The following PITPNC1 variants were observed in gnomAD, a reference collection of about 807,000 sequenced individuals.
The protein encoded by PITPNC1 is phosphatidylinositol transfer protein cytoplasmic 1.
A neutral mutation model predicts 44.7 loss-of-function variants in PITPNC1; 18 were observed. That is an observed-to-expected ratio of 0.40 (90% CI 0.28 to 0.60). PITPNC1 has a LOEUF of 0.60. Among genes scored for constraint, PITPNC1 ranks in the 20% least tolerant of loss-of-function variants. The probability of loss-of-function intolerance (pLI) is 0.39; values close to 1 mark genes in which losing one functional copy is unlikely to be tolerated. For synonymous variants in PITPNC1, 141 were observed against 149.6 expected, an observed-to-expected ratio of 0.94 and a Z score of 0.42; for missense variants, 290 against 418.4, an observed-to-expected ratio of 0.69 and a Z score of 2.68.
intron 1 of PITPNC1, among the ~76,000 whole-genome samples, chr17:67,528,013 A>T (rs1003574941): frequency 1.6e-4 from 25 of 152,166 alleles, no homozygotes; most frequent in African/African-American, 2.6e-4. Context: ...TTAATTTTTT[A>T]AATTATTTAT....
intron 5 of PITPNC1, among the ~76,000 whole-genome samples, chr17:67,586,425 C>CAA (rs33998127): frequency 0.19 from 20,867 of 110,326 alleles, 2,483 homozygotes; most frequent in African/African-American, 0.36. Flanking sequence ...GTTTCTACTT[C>CAA]AAAAAAAAAA....
intron 1 of PITPNC1, among the ~76,000 whole-genome samples, chr17:67,517,267 T>A (rs1427362372): frequency 6.6e-6 from 1 of 152,230 alleles, no homozygotes; most frequent in Non-Finnish European, 1.5e-5. Flanking sequence ...GGCTTTCTTG[T>A]TGCTTTCTTA....
At chr17:67,388,316 TC>T (rs1225628354) in intron 1 of PITPNC1, among the ~76,000 whole-genome samples, 1 of 149,326 alleles carries the variant, frequency 6.7e-6, no homozygotes, top group Non-Finnish European at 1.5e-5. Context: ...AGTTTTCGTT[TC>T]TTTTTTTCGT....
intron 1 of PITPNC1, among the ~76,000 whole-genome samples, chr17:67,522,610 CT>C (rs1644370185): frequency 1.3e-5 from 2 of 148,568 alleles, no homozygotes; most frequent in Admixed American, 1.3e-4. Flanking sequence ...AGTTCTGAGC[CT>C]TTTTAATTGT....
intron 4 of PITPNC1, among the ~76,000 whole-genome samples, chr17:67,574,433 C>T (rs909690922): frequency 1.3e-5 from 2 of 152,158 alleles, no homozygotes; most frequent in Admixed American, 6.5e-5. Flanking sequence ...CCTCATTAAA[C>T]TATGACTCAA....
intron 1 of PITPNC1, among the ~76,000 whole-genome samples, chr17:67,495,891 G>C (rs1465186347): frequency 6.6e-6 from 1 of 152,238 alleles, no homozygotes; most frequent in Non-Finnish European, 1.5e-5. Flanking sequence ...GACATGAATA[G>C]AGAGGGTTTT....
chr17:67,408,732 T>TCC (rs1316603441), intron 1 of PITPNC1: 37 of 150,190 alleles, frequency 2.5e-4, no homozygotes, highest in East Asian at 7.9e-4. Context: ...CTTCCTTCCT[T>TCC]TCTTTCTTTC....
chr17:67,674,216 G>C (rs577798784), intron 7 of PITPNC1, among the ~76,000 whole-genome samples: 2 of 151,810 alleles, frequency 1.3e-5, no homozygotes, highest in South Asian at 4.2e-4. Flanking sequence ...TTAAAAAATT[G>C]AATCAGGCTG....
chr17:67,432,750 C>T (rs1052899274), intron 1 of PITPNC1, among the ~76,000 whole-genome samples: 7 of 152,202 alleles, frequency 4.6e-5, no homozygotes, highest in South Asian at 4.1e-4. Context: ...TTCCCTGTCT[C>T]GATTTCCTGA....
intron 2 of PITPNC1, among the ~76,000 whole-genome samples, chr17:67,537,129 T>C (rs1053116640): frequency 4.2e-4 from 64 of 152,198 alleles, no homozygotes; most frequent in Admixed American, 3.7e-3. Context: ...GAAATTAACA[T>C]TTAATAAATC....
intron 1 of PITPNC1, among the ~76,000 whole-genome samples, chr17:67,444,148 C>T (rs1229135363): frequency 2.0e-5 from 3 of 152,006 alleles, no homozygotes; most frequent in South Asian, 2.1e-4. Context: ...CGCTCTGCTA[C>T]CCCCATCCCT....
In PITPNC1 at chr17:67,442,541, A is replaced by AT. The variant is rs544346980; in HGVS notation, c.48+64341dup. On this transcript the variant is annotated intron_variant, in intron 1 of 8. Coordinates refer to ENST00000581322, the MANE Select transcript of PITPNC1 (RefSeq NM_012417.4). The stretch of plus-strand genomic sequence containing the variant: ...GTGAATTTCCTTTGCATTCATTTTG[A>AT]TTAAAAAAAAATGCATTATGGCTGG... 2.9e-3 allele frequency among the ~76,000 whole-genome samples: 443 copies of AT among 151,716 alleles called. 8 individuals carry two copies. The highest frequency in any genetic ancestry group is 1.4e-3 in the Non-Finnish European group (97 of 67,886).
At chr17:67,398,778 C>G (rs778482783) in intron 1 of PITPNC1, among the ~76,000 whole-genome samples, 9 of 152,054 alleles carry the variant, frequency 5.9e-5, no homozygotes, top group Non-Finnish European at 1.2e-4. Flanking sequence ...CGTATAAAAT[C>G]TATTTTTCAT....
At chr17:67,470,732 A>G (rs1433990802) in intron 1 of PITPNC1, among the ~76,000 whole-genome samples, 1 of 151,970 alleles carries the variant, frequency 6.6e-6, no homozygotes, top group Non-Finnish European at 1.5e-5. Flanking sequence ...ACAGGCCAGG[A>G]TGACAATGGC....
intron 5 of PITPNC1, among the ~76,000 whole-genome samples, chr17:67,578,675 A>G (rs1056340020): frequency 2.0e-5 from 3 of 152,242 alleles, no homozygotes; most frequent in African/African-American, 7.2e-5. Flanking sequence ...AGTCAGATGT[A>G]TGTGTGAACA....
intron 6 of PITPNC1, among the ~76,000 whole-genome samples, chr17:67,634,879 C>T (rs2042015478): frequency 6.6e-6 from 1 of 152,112 alleles, no homozygotes; most frequent in African/African-American, 2.4e-5. Context: ...AGAATGAAAC[C>T]CCAACTCTAC....
intron 4 of PITPNC1, among the ~76,000 whole-genome samples, chr17:67,563,990 A>ATAGATAGATTAGCTAGATTAAG (rs1367074475): frequency 1.7e-4 from 26 of 152,066 alleles, no homozygotes; most frequent in Admixed American, 3.9e-4. Context: ...AGAGAGATGG[A>ATAGATAGATTAGCTAGATTAAG]TAGATAGATT....
At chr17:67,675,343 G>C (rs779975609) in intron 7 of PITPNC1, 136 bp from the exon 8 acceptor site, 24 of 680,840 alleles carry the variant, frequency 3.5e-5, no homozygotes, top group Middle Eastern at 2.7e-4. Flanking sequence ...TAGGCAGCCT[G>C]TAATTGTCAT....
chr17:67,623,110 A>C (rs2041854085), intron 5 of PITPNC1, among the ~76,000 whole-genome samples: 1 of 22,414 alleles, frequency 4.5e-5, no homozygotes, highest in South Asian at 1.6e-3. Context: ...CCCAAAAGCC[A>C]AAAAAAAAAA....
Sources: allele counts gnomAD v4.1 joint callset (sites outside exome capture counted in the v4.1 genomes callset), GRCh38; gene constraint gnomAD v4.1.1; transcripts MANE v1.5; gene names NCBI Gene and HGNC (gene_info 2026-07-23, HGNC 2026-07-21).